MLIP: variants seen among roughly 807,000 people sequenced by gnomAD.
MLIP encodes the protein muscular LMNA-interacting protein.
MLIP carries 79 observed loss-of-function variants against 84.8 expected under a neutral mutation model. The ratio of observed to expected loss-of-function variants is 0.93; its 90% CI spans 0.78 to 1.12. The LOEUF (loss-of-function observed/expected upper bound fraction) is 1.12, where lower values mean the gene tolerates loss of function less well. Ranked by LOEUF, MLIP falls within the 50% of genes most tolerant of loss-of-function variation. MLIP has a pLI of 0.00. For missense variants in MLIP, 1,257 were observed against 1,160.6 expected, an observed-to-expected ratio of 1.08 and a Z score of -1.21; for synonymous variants, 504 against 463.0, an observed-to-expected ratio of 1.09 and a Z score of -1.14.
At chr6:54,128,925 T>C (rs1771151442) in intron 3 of MLIP, among the ~76,000 whole-genome samples, 1 of 151,960 alleles carries the variant, frequency 6.6e-6, no homozygotes, top group African/African-American at 2.4e-5. Context: ...ATGGCAGCAT[T>C]GTTTTTTTTT....
At chr6:54,224,893 G>C (rs1780473605) in intron 11 of MLIP, among the ~76,000 whole-genome samples, 1 of 152,074 alleles carries the variant, frequency 6.6e-6, no homozygotes, top group Non-Finnish European at 1.5e-5. Flanking sequence ...TCTCATCCAG[G>C]TCACTGCAAA....
chr6:54,113,231 G>A (rs1418922671), intron 1 of MLIP, among the ~76,000 whole-genome samples: 1 of 152,088 alleles, frequency 6.6e-6, no homozygotes, highest in Non-Finnish European at 1.5e-5. Context: ...GGACAAAGTT[G>A]CAATTTCACC....
intron 10 of MLIP, among the ~76,000 whole-genome samples, chr6:54,194,864 A>G (rs1191728137): frequency 1.3e-5 from 2 of 151,750 alleles, no homozygotes; most frequent in Admixed American, 6.6e-5. Context: ...GTTTTTTCCA[A>G]TATTGGGAGC....
intron 11 of MLIP, among the ~76,000 whole-genome samples, chr6:54,228,610 ACT>A (rs971057305): frequency 2.1e-4 from 32 of 152,212 alleles, no homozygotes; most frequent in Admixed American, 1.2e-3. Flanking sequence ...AGAGTAGCAC[ACT>A]CTCTGCAAAC....
chr6:54,035,631 G>A (rs554345012), intron 1 of MLIP, among the ~76,000 whole-genome samples: 2 of 151,928 alleles, frequency 1.3e-5, no homozygotes, highest in Non-Finnish European at 2.9e-5. Flanking sequence ...CCAGCATTTG[G>A]TATTATTATT....
intron 1 of MLIP, among the ~76,000 whole-genome samples, chr6:54,055,763 A>G (rs1765626566): frequency 6.6e-6 from 1 of 152,068 alleles, no homozygotes; most frequent in Admixed American, 6.6e-5. Context: ...TTAAATGGGG[A>G]ATATTGGAAG....
At position 54,118,309 on chromosome 6, in the gene MLIP, C is replaced by T. The variant is rs139467483; in HGVS notation, c.97-3138C>T. On this transcript the variant is annotated intron_variant, in intron 1 of 13. Coordinates refer to ENST00000502396, the MANE Select transcript of MLIP (RefSeq NM_001281747.2). ...AGTAACCAAAATAGCATGATGCTGG[C>T]GTAAAAACCAACACATGGACCAATG... is the stretch of plus-strand genomic sequence containing the variant. 2.6e-3 allele frequency among the ~76,000 whole-genome samples: 396 copies of T among 152,236 alleles called. 2 individuals carry two copies. The highest frequency in any genetic ancestry group is 8.7e-3 in the African/African-American group (362 of 41,536).
At chr6:54,188,848 G>A (rs996858449) in intron 9 of MLIP, among the ~76,000 whole-genome samples, 6 of 152,074 alleles carry the variant, frequency 3.9e-5, no homozygotes, top group Admixed American at 1.3e-4. Context: ...AGAATATCAC[G>A]GAGGTAAACT....
chr6:54,108,200 C>CA (rs967877445), upstream of MLIP, among the ~76,000 whole-genome samples: 50 of 151,434 alleles, frequency 3.3e-4, no homozygotes, highest in African/African-American at 8.0e-4. Context: ...CCTGTGAAAA[C>CA]AAAAAAAAGA....
At chr6:54,040,898 G>A (rs965716028) in intron 1 of MLIP, 4 of 152,016 alleles carry the variant, frequency 2.6e-5, no homozygotes, top group Admixed American at 2.6e-4. Context: ...GGAATAATAA[G>A]CAGTGGGGAC....
intron 1 of MLIP, among the ~76,000 whole-genome samples, chr6:54,035,565 A>G (rs992863701): frequency 6.6e-6 from 1 of 152,044 alleles, no homozygotes; most frequent in African/African-American, 2.4e-5. Flanking sequence ...GAGTAGCTGT[A>G]CCATTTTACA....
chr6:54,111,710 T>C, intron 1 of MLIP, 135 bp downstream of exon 1: 1 of 904,318 alleles, frequency 1.1e-6, no homozygotes. Flanking sequence ...AATGAAATGC[T>C]ATCTTCACTT....
At chr6:54,095,178 T>C (rs761814438) in intron 1 of MLIP, among the ~76,000 whole-genome samples, 7 of 152,016 alleles carry the variant, frequency 4.6e-5, no homozygotes, top group Non-Finnish European at 2.9e-5. Flanking sequence ...AAGCGGTGGG[T>C]AGACAGAGAT....
rs956703327 is a variant in MLIP, at chr6:54,136,971, A to T, written c.902A>T (p.His301Leu). 154 of 1,535,792 alleles carry T rather than the reference A, an allele frequency of 1.0e-4. No homozygotes were observed. The highest frequency in any genetic ancestry group is 1.3e-4 in the Non-Finnish European group (149 of 1,146,844). ...ACCTCCTCGACGTTACTGTTTCCCC[A>T]TTCCACTCAACTATCAGGTTCTAAT... ...KGTSSTLLFP[H>L]STQLSGSNLP... The change falls in exon 4 of 14, where the codon CAT (histidine) becomes CTT (leucine). Residue 301 changes from histidine (H) to leucine (L), a missense_variant. His to Leu is a moderately conservative substitution (Grantham distance 99). Transcript: ENST00000502396.
chr6:54,039,496 G>T (rs961677676), intron 1 of MLIP, among the ~76,000 whole-genome samples: 3 of 151,876 alleles, frequency 2.0e-5, no homozygotes, highest in African/African-American at 7.2e-5. Context: ...GTGGGCAATT[G>T]TGTCTCTCAG....
At chr6:54,233,706 G>GCTGGATCAAATGGTATTT (rs564868767) in intron 12 of MLIP, among the ~76,000 whole-genome samples, 1 of 152,194 alleles carries the variant, frequency 6.6e-6, no homozygotes, top group African/African-American at 2.4e-5. Flanking sequence ...TAATGGGATT[G>GCTGGATCAAATGGTATTT]CTGGATCAAA....
At chr6:54,224,396 G>A (rs1468297130) in intron 11 of MLIP, among the ~76,000 whole-genome samples, 1 of 150,570 alleles carries the variant, frequency 6.6e-6, no homozygotes, top group African/African-American at 2.4e-5. Context: ...TAAAACTCCA[G>A]TAAACCAATT....
chr6:54,173,965 A>G (rs537312071), intron 9 of MLIP, among the ~76,000 whole-genome samples: 3 of 150,780 alleles, frequency 2.0e-5, no homozygotes, highest in African/African-American at 4.9e-5. Flanking sequence ...TTTGGATCCC[A>G]CAAATAAGTG....
chr6:54,128,655 T>C (rs1327574289), intron 3 of MLIP, among the ~76,000 whole-genome samples: 3 of 151,894 alleles, frequency 2.0e-5, no homozygotes, highest in South Asian at 2.1e-4. Flanking sequence ...GAGAAATGGA[T>C]GGAGGTAAGG....
Sources: allele counts gnomAD v4.1 joint callset (sites outside exome capture counted in the v4.1 genomes callset), GRCh38; gene constraint gnomAD v4.1.1; transcripts MANE v1.5; gene names NCBI Gene and HGNC (gene_info 2026-07-23, HGNC 2026-07-21).